NTN4: variants seen among roughly 807,000 people sequenced by gnomAD.
The protein encoded by NTN4 is netrin-4.
Under a neutral mutation model 73.6 loss-of-function variants are expected in NTN4, and 32 were observed. The ratio of observed to expected loss-of-function variants is 0.44; its 90% CI spans 0.33 to 0.58. The LOEUF (loss-of-function observed/expected upper bound fraction) is 0.58. Among genes scored for constraint, NTN4 ranks in the 20% least tolerant of loss-of-function variants. The pLI, the probability that NTN4 is intolerant of heterozygous loss-of-function variation, is 0.04. For missense variants in NTN4, 654 were observed against 798.3 expected (o/e 0.82, Z 2.18); for synonymous variants, 258 against 287.5 (o/e 0.90, Z 1.04).
chr12:95,783,242 G>C (rs113870975), intron 2 of NTN4, among the ~76,000 whole-genome samples: 2 of 152,200 alleles, frequency 1.3e-5, no homozygotes. Context: ...CTGAAAGATA[G>C]TAACGAATTC....
At chr12:95,729,319 T>A (rs2078718596) in intron 3 of NTN4, among the ~76,000 whole-genome samples, 1 of 151,956 alleles carries the variant, frequency 6.6e-6, no homozygotes. Flanking sequence ...AACCATAATC[T>A]TCTCTATTTT....
intron 3 of NTN4, among the ~76,000 whole-genome samples, chr12:95,718,711 C>T (rs1201200975): frequency 6.6e-6 from 1 of 152,120 alleles, no homozygotes; most frequent in Non-Finnish European, 1.5e-5. Flanking sequence ...CAATGTGACA[C>T]AAATGGAAAA....
intron 5 of NTN4, among the ~76,000 whole-genome samples, chr12:95,688,575 A>G (rs1211115233): frequency 3.9e-5 from 6 of 152,086 alleles, no homozygotes; most frequent in Non-Finnish European, 8.8e-5. Flanking sequence ...ACTTAGGAGA[A>G]AAGTTGGGGT....
intron 2 of NTN4, among the ~76,000 whole-genome samples, chr12:95,771,593 T>C (rs1304785959): frequency 6.6e-6 from 1 of 152,204 alleles, no homozygotes; most frequent in East Asian, 1.9e-4. Flanking sequence ...ATGCTATATT[T>C]TAACTTTGTT....
rs1481359892 is a variant in NTN4, at chr12:95,683,572, G to GA, written c.1319_1320insT (p.Phe441LeufsTer10). On this transcript the variant is annotated frameshift_variant, in exon 6 of 10. Transcript: ENST00000343702. LOFTEE classifies it high-confidence loss of function. The stretch of plus-strand genomic sequence containing the variant: ...ATGGTCGACAGCCATAGTCTCCGAA[G>GA]CCCCAGTATCCCACCATGCACCTGT... 6.2e-7 allele frequency: 1 copy of GA among 1,614,174 alleles called. No homozygotes were observed. The highest frequency in any genetic ancestry group is 8.5e-7 in the Non-Finnish European group (1 of 1,180,034).
intron 2 of NTN4, among the ~76,000 whole-genome samples, chr12:95,766,380 CTG>C (rs1439129100): frequency 1.3e-5 from 2 of 152,190 alleles, no homozygotes; most frequent in African/African-American, 4.8e-5. Flanking sequence ...GCCTCTGAAT[CTG>C]GACATAAATC....
intron 4 of NTN4, among the ~76,000 whole-genome samples, chr12:95,712,793 T>C (rs1170571468): frequency 2.8e-5 from 4 of 143,570 alleles, no homozygotes; most frequent in Non-Finnish European, 4.6e-5. Context: ...CTTTCTTTTT[T>C]TTTTTTTTTT....
intron 2 of NTN4, among the ~76,000 whole-genome samples, chr12:95,761,323 A>G (rs1195854815): frequency 2.8e-5 from 2 of 72,142 alleles, no homozygotes; most frequent in South Asian, 1.3e-3. Context: ...CAAAAGAGAT[A>G]TTCTTTTTTT....
chr12:95,710,527 T>C lies in NTN4; in HGVS notation c.1094A>G (p.Asn365Ser), dbSNP rs1245734533. ...SGGVCDDCQHNTEGQYCQRCK... is the reference protein window; with the variant it reads ...SGGVCDDCQHSTEGQYCQRCK... ...CCTCTGGCAATACTGTCCTTCTGTG[T>C]TGTGCTGACAGTCATCACAGACACC... The change falls in exon 5 of 10, where the codon AAC (asparagine) becomes AGC (serine). Residue 365 changes from asparagine to serine, a missense_variant. By Grantham distance (46) the Asn-to-Ser change is conservative. Transcript: ENST00000343702. 8.1e-6 allele frequency: 13 copies of C among 1,614,042 alleles called. No homozygotes were observed. In the Middle Eastern group the frequency reaches 4.9e-4, roughly 61 times the overall value.
intron 5 of NTN4, among the ~76,000 whole-genome samples, chr12:95,703,023 A>G (rs2078497811): frequency 6.6e-6 from 1 of 151,756 alleles, no homozygotes; most frequent in African/African-American, 2.4e-5. Context: ...ATGCCTGGCT[A>G]ATTTTGTATT....
In NTN4 at chr12:95,762,156, T is replaced by C. The variant is rs373415348; in HGVS notation, c.586-24012A>G. Among the ~76,000 whole-genome samples, 30 of 152,304 alleles carry C rather than the reference T, an allele frequency of 2.0e-4. No individual in the cohort carries two copies. The South Asian group carries it at 6.0e-3, about 31-fold the overall frequency. ...ACTGGGGATTTCCAAAATGCAAACT[T>C]AGACTAGAATGTACTTTCCATTTTT... On this transcript the variant is annotated intron_variant, in intron 2 of 9. Transcript: ENST00000343702.
At chr12:95,786,775 A>G (rs370520019) in intron 2 of NTN4, among the ~76,000 whole-genome samples, 164 bp downstream of exon 2, 2 of 152,216 alleles carry the variant, frequency 1.3e-5, no homozygotes, top group African/African-American at 2.4e-5. Flanking sequence ...ATGACTACAC[A>G]TTCATATGTA....
At chr12:95,682,254 A>G (rs1457346097) in intron 7 of NTN4, among the ~76,000 whole-genome samples, 10 of 151,484 alleles carry the variant, frequency 6.6e-5, no homozygotes, top group Non-Finnish European at 1.2e-4. Context: ...AACTCTTGCT[A>G]TGTTTCCCAG....
In NTN4 at chr12:95,789,856, C is replaced by T. The variant is rs1289316672; in HGVS notation, c.55+399G>A. 3 of 176,108 alleles carry T rather than the reference C, an allele frequency of 1.7e-5. No homozygotes were observed. The highest frequency in any genetic ancestry group is 7.1e-5 in the African/African-American group (3 of 42,344). The allele number at this position is 176,108 out of a possible 1,614,324, so 10.9% of individuals were successfully genotyped here. On this transcript the variant is annotated intron_variant, in intron 1 of 9. Coordinates refer to ENST00000343702, the MANE Select transcript of NTN4 (RefSeq NM_021229.4). The surrounding 1 kb of genome is among the most constrained non-coding windows in gnomAD (Gnocchi z 4.0). ...GCTTCTACCAGAGACCGGCCCCAGC[C>T]CACGCGCGCCCAGGGTCGCTGGGCC...
chr12:95,695,718 A>G (rs2078436456), intron 5 of NTN4, among the ~76,000 whole-genome samples: 1 of 152,092 alleles, frequency 6.6e-6, no homozygotes, highest in South Asian at 2.1e-4. Context: ...TTTCTGTATC[A>G]TTCCTTTCAT....
chr12:95,658,988 C>T lies in NTN4; in HGVS notation c.*98G>A. ...ATTCAAACATTTCTATATGTTTTGGCACTTTAAAAAATTCCAGTTTCCTGT... is the reference window on the plus strand; with the variant it reads ...ATTCAAACATTTCTATATGTTTTGGTACTTTAAAAAATTCCAGTTTCCTGT... On this transcript the variant is annotated 3_prime_UTR_variant, in exon 10 of 10. Coordinates refer to ENST00000343702, the MANE Select transcript of NTN4 (RefSeq NM_021229.4). 2 of 1,136,838 alleles carry T rather than the reference C, an allele frequency of 1.8e-6. No individual in the cohort carries two copies. The highest frequency in any genetic ancestry group is 2.5e-6 in the Non-Finnish European group (2 of 804,706). The allele number at this position is 1,136,838 out of a possible 1,614,324, so 70.4% of individuals were successfully genotyped here.
rs185856065 is a variant in NTN4, at chr12:95,719,585, T to C, written c.865-6247A>G. On this transcript the variant is annotated intron_variant, in intron 3 of 9. Coordinates refer to ENST00000343702, the MANE Select transcript of NTN4 (RefSeq NM_021229.4). The stretch of plus-strand genomic sequence containing the variant: ...CATGAAAAGAAATAAATTCTAATAA[T>C]GGGCTAGCCTGTTAGAACCTGCTGC... 2.8e-3 allele frequency among the ~76,000 whole-genome samples: 428 copies of C among 152,320 alleles called. 2 individuals carry two copies. The highest frequency in any genetic ancestry group is 9.8e-3 in the African/African-American group (408 of 41,588).
chr12:95,703,046 G>A (rs1227968423), intron 5 of NTN4, among the ~76,000 whole-genome samples: 5 of 151,836 alleles, frequency 3.3e-5, no homozygotes, highest in Admixed American at 1.3e-4. Context: ...TAGTAGAGAC[G>A]GAGTTTCACC....
intron 2 of NTN4, among the ~76,000 whole-genome samples, chr12:95,750,248 A>G (rs2078896378): frequency 6.8e-6 from 1 of 147,006 alleles, no homozygotes; most frequent in Non-Finnish European, 1.5e-5. Flanking sequence ...CTGCGCCCCA[A>G]CCCCTTTTCC....
Sources: gnomAD v4.1 joint callset for allele counts (sites outside exome capture counted in the v4.1 genomes callset) on GRCh38, gnomAD v4.1.1 for gene constraint, Gnocchi (gnomAD v3.1) non-coding constraint, MANE v1.5 for transcripts, NCBI Gene and HGNC (gene_info 2026-07-23, HGNC 2026-07-21) for gene names.